Variants in PAH observed in about 807,000 individuals in gnomAD.
PAH encodes the protein phenylalanine hydroxylase.
A neutral mutation model predicts 62.0 loss-of-function variants in PAH; 64 were observed. The observed-to-expected ratio is 1.03, with a 90% CI of 0.84 to 1.27. The LOEUF (loss-of-function observed/expected upper bound fraction) is 1.27, where lower values mean the gene tolerates loss of function less well. Among genes scored for constraint, PAH ranks in the 50% most tolerant of loss-of-function variants. The pLI, the probability that PAH is intolerant of heterozygous loss-of-function variation, is 0.00. For missense variants in PAH, 579 were observed against 542.8 expected (o/e 1.07, Z -0.66); for synonymous variants, 195 against 196.2 (o/e 0.99, Z 0.05).
At chr12:102,839,729 T>C (rs1874504875) in intron 12 of PAH, among the ~76,000 whole-genome samples, 1 of 152,250 alleles carries the variant, frequency 6.6e-6, no homozygotes, top group Non-Finnish European at 1.5e-5. Context: ...TCTAAGCAGA[T>C]AACTCAGTCT....
intron 2 of PAH, among the ~76,000 whole-genome samples, chr12:102,907,292 A>G (rs1385826597): frequency 2.6e-5 from 4 of 152,204 alleles, no homozygotes; most frequent in Non-Finnish European, 4.4e-5. Flanking sequence ...AAAAAACTCC[A>G]GAGTGATTCA....
chr12:102,869,833 G>A (rs1203770936), intron 4 of PAH, among the ~76,000 whole-genome samples: 1 of 152,194 alleles, frequency 6.6e-6, no homozygotes, highest in Admixed American at 6.5e-5. Flanking sequence ...CCGTCCATGT[G>A]GAGTACATTC....
chr12:102,864,980 C>T (rs1013296468), intron 5 of PAH, among the ~76,000 whole-genome samples: 8 of 152,196 alleles, frequency 5.3e-5, no homozygotes, highest in Middle Eastern at 3.4e-3. Flanking sequence ...ACATGACCTT[C>T]GGCACATCAG....
At chr12:102,892,384 GA>G (rs35776069) in intron 3 of PAH, among the ~76,000 whole-genome samples, 2 of 151,714 alleles carry the variant, frequency 1.3e-5, no homozygotes, top group Non-Finnish European at 2.9e-5. Context: ...TTTTACAGTA[GA>G]AAAAAAATAA....
chr12:102,898,943 C>T (rs1476173280), intron 2 of PAH, among the ~76,000 whole-genome samples: 1 of 152,180 alleles, frequency 6.6e-6, no homozygotes, highest in East Asian at 1.9e-4. Context: ...ATGGCTCCAA[C>T]TGCAGACAAC....
At chr12:102,845,343 T>C (rs1874789856) in intron 9 of PAH, among the ~76,000 whole-genome samples, 1 of 152,178 alleles carries the variant, frequency 6.6e-6, no homozygotes, top group African/African-American at 2.4e-5. Flanking sequence ...TGGTGTCAAC[T>C]AGACTGAGAT....
chr12:102,867,883 GTATATACATATATAGATGTA>G (rs1876055058), intron 4 of PAH, among the ~76,000 whole-genome samples: 1 of 138,864 alleles, frequency 7.2e-6, no homozygotes, highest in Non-Finnish European at 1.5e-5. Flanking sequence ...ATATATACAT[GTATATACATATATAGATGTA>G]TATATACATG....
intron 1 of PAH, among the ~76,000 whole-genome samples, chr12:102,915,891 T>C (rs1285029302): frequency 2.0e-5 from 3 of 152,186 alleles, no homozygotes; most frequent in Non-Finnish European, 4.4e-5. Context: ...GACACTACTT[T>C]GTTTGTTATT....
chr12:102,882,959 G>A (rs1203660436), intron 3 of PAH, among the ~76,000 whole-genome samples: 2 of 152,054 alleles, frequency 1.3e-5, no homozygotes, highest in Non-Finnish European at 2.9e-5. Flanking sequence ...TAATGATGAT[G>A]ATTAAAGGAG....
chr12:102,874,406 A>T (rs187895202), intron 4 of PAH, among the ~76,000 whole-genome samples: 1 of 152,318 alleles, frequency 6.6e-6, no homozygotes, highest in East Asian at 1.9e-4. Flanking sequence ...GAGGGCAGGG[A>T]TCATGTCATC....
upstream of PAH, among the ~76,000 whole-genome samples, chr12:102,921,549 A>C (rs1467118070): frequency 6.6e-6 from 1 of 152,174 alleles, no homozygotes; most frequent in Admixed American, 6.5e-5. Flanking sequence ...CATCCTTTTA[A>C]AAATTTTTGT....
chr12:102,958,429 AGGCGCC>A (rs1565889154), upstream of PAH: 1 of 1,548,802 alleles, frequency 6.5e-7, no homozygotes, highest in African/African-American at 1.4e-5. Context: ...CAGCAGCAGC[AGGCGCC>A]GCAGCTGAGA....
At chr12:102,958,257 G>A (rs1247401547) in exon 1 of PAH, 2 of 1,474,418 alleles carry the variant, frequency 1.4e-6, no homozygotes, top group South Asian at 1.3e-5. Context: ...GGAAAGCTCT[G>A]CCAAGATGGA....
At chr12:102,914,043 C>T in intron 1 of PAH, 1 of 520,544 alleles carries the variant, frequency 1.9e-6, no homozygotes, top group Non-Finnish European at 3.4e-6. Flanking sequence ...TTAGGAAACT[C>T]TTAGTGACTC....
chr12:102,913,878 G>GA, intron 1 of PAH: 1 of 700,388 alleles, frequency 1.4e-6, no homozygotes, highest in South Asian at 1.5e-5. Context: ...AGCCTAAGTC[G>GA]AAAAATAATA....
At chr12:102,849,774 A>G (rs1460433872) in intron 8 of PAH, among the ~76,000 whole-genome samples, 5 of 152,304 alleles carry the variant, frequency 3.3e-5, no homozygotes, top group Non-Finnish European at 7.4e-5. Flanking sequence ...GAGTTTGCCT[A>G]CAACAAGGGG....
chr12:102,871,702 C>T (rs568907516), intron 4 of PAH, among the ~76,000 whole-genome samples: 16 of 152,014 alleles, frequency 1.1e-4, no homozygotes, highest in African/African-American at 2.9e-4. Flanking sequence ...GTGGGCAGAT[C>T]GCCTGAGGTC....
At chr12:102,884,701 T>C (rs1384705147) in intron 3 of PAH, among the ~76,000 whole-genome samples, 2 of 152,118 alleles carry the variant, frequency 1.3e-5, no homozygotes, top group Non-Finnish European at 2.9e-5. Context: ...AAGATAGTGG[T>C]CCCAGAGGCC....
At chr12:102,886,941 T>C (rs759901590) in intron 3 of PAH, among the ~76,000 whole-genome samples, 1 of 152,020 alleles carries the variant, frequency 6.6e-6, no homozygotes, top group Non-Finnish European at 1.5e-5. Context: ...AGAGAGGAAG[T>C]TGGCAACGCT....
Sources: allele counts gnomAD v4.1 joint callset (sites outside exome capture counted in the v4.1 genomes callset), GRCh38; gene constraint gnomAD v4.1.1; transcripts MANE v1.5; gene names NCBI Gene and HGNC (gene_info 2026-07-23, HGNC 2026-07-21).